TDRD7: variants seen among roughly 807,000 people sequenced by gnomAD.
The protein encoded by TDRD7 is tudor domain-containing protein 7.
In TDRD7, 47 loss-of-function variants were observed where a neutral mutation model predicts 109.8. The observed-to-expected ratio is 0.43, with a 90% CI of 0.34 to 0.55. The LOEUF (loss-of-function observed/expected upper bound fraction) is 0.55, where lower values mean the gene tolerates loss of function less well. TDRD7 is among the 20% of genes least tolerant of loss of function. The pLI is 0.03. For missense variants in TDRD7, 1,164 were observed against 1,319.2 expected, an observed-to-expected ratio of 0.88 and a Z score of 1.82; for synonymous variants, 424 against 457.3, an observed-to-expected ratio of 0.93 and a Z score of 0.93.
chr9:97,475,488 G>T lies in TDRD7; in HGVS notation c.2166+19G>T. ...AGTAGAGGTAAAAATCAGTCACTTG[G>T]CTTTTTAATCTTAACTTATTGTGAA... On this transcript the variant is annotated intron_variant, in intron 12 of 16. Coordinates refer to ENST00000355295, the MANE Select transcript of TDRD7 (RefSeq NM_014290.3). The T allele has an allele frequency of 6.4e-7, 1 of 1,560,948 alleles. No homozygotes were observed. The highest frequency in any genetic ancestry group is 8.8e-7 in the Non-Finnish European group (1 of 1,133,190).
At position 97,456,895 on chromosome 9, in the gene TDRD7, G is replaced by A. The variant is rs187848673; in HGVS notation, c.856-3283G>A. 1.2e-3 allele frequency among the ~76,000 whole-genome samples: 188 copies of A among 152,132 alleles called. 1 individual carries two copies. The highest frequency in any genetic ancestry group is 2.0e-3 in the Admixed American group (31 of 15,296). On this transcript the variant is annotated intron_variant, in intron 6 of 16. Coordinates refer to ENST00000355295, the MANE Select transcript of TDRD7 (RefSeq NM_014290.3). ...AGTGAACAGGCACCCTACAGAATGGGAGAAAATTTTTGCAAACTACCCATC... is the reference window on the plus strand; with the variant it reads ...AGTGAACAGGCACCCTACAGAATGGAAGAAAATTTTTGCAAACTACCCATC...
At chr9:97,434,436 A>G (rs944527445) in intron 4 of TDRD7, among the ~76,000 whole-genome samples, 2 of 152,114 alleles carry the variant, frequency 1.3e-5, no homozygotes, top group Non-Finnish European at 2.9e-5. Context: ...TTTCATGGTG[A>G]CTATAGTTAA....
chr9:97,470,593 T>A lies in TDRD7; in HGVS notation c.1665T>A (p.Val555=), dbSNP rs1486420590. Residue 555 remains valine, a synonymous_variant, in exon 9 of 17, where the codon GTT becomes GTA. Coordinates refer to ENST00000355295, the MANE Select transcript of TDRD7 (RefSeq NM_014290.3). The part of the protein sequence containing the change: ...CYVDYGFSEN[V]EKSKAYKLNP... ...TTGACTATGGTTTTAGTGAAAATGT[T>A]GAAAAAAGCAAAGCATACAAATTAA... 6.2e-7 allele frequency: 1 copy of A among 1,613,806 alleles called. No homozygotes were observed. Among genetic ancestry groups the A allele is most frequent in the African/African-American group, 1.3e-5 (1 of 74,932 alleles).
At chr9:97,453,705 C>G (rs1828549607) in intron 6 of TDRD7, among the ~76,000 whole-genome samples, 1 of 151,988 alleles carries the variant, frequency 6.6e-6, no homozygotes, top group African/African-American at 2.4e-5. Context: ...GAAAATTTAC[C>G]AAGCAAATGG....
chr9:97,464,709 C>G, intron 7 of TDRD7, 133 bp from the exon 8 acceptor site: 1 of 866,402 alleles, frequency 1.2e-6, no homozygotes, highest in South Asian at 1.4e-5. Flanking sequence ...CGTTCTCCTC[C>G]CTGTTGATAT....
At chr9:97,430,583 A>T (rs1348015715) in intron 2 of TDRD7, among the ~76,000 whole-genome samples, 1 of 152,208 alleles carries the variant, frequency 6.6e-6, no homozygotes, top group Non-Finnish European at 1.5e-5. Context: ...TAAAGTGTGA[A>T]TGAAATGTAC....
chr9:97,494,694 GTA>G (rs144407860), intron 16 of TDRD7, among the ~76,000 whole-genome samples: 68,962 of 134,792 alleles, frequency 0.51, 18,348 homozygotes, highest in Admixed American at 0.6. Flanking sequence ...ATATATATAT[GTA>G]TATATATATA....
chr9:97,453,439 A>C (rs570347540), intron 6 of TDRD7, among the ~76,000 whole-genome samples: 1 of 152,284 alleles, frequency 6.6e-6, no homozygotes, highest in South Asian at 2.1e-4. Context: ...AAAAACCATA[A>C]TAAGTGTGTG....
At chr9:97,417,236 T>G (rs749508904) in intron 1 of TDRD7, among the ~76,000 whole-genome samples, 5 of 152,118 alleles carry the variant, frequency 3.3e-5, no homozygotes, top group African/African-American at 4.8e-5. Context: ...AGAGAGAACT[T>G]AGGGCAAAGA....
chr9:97,471,137 T>C (rs140132303), intron 9 of TDRD7, among the ~76,000 whole-genome samples: 60 of 152,292 alleles, frequency 3.9e-4, no homozygotes, highest in African/African-American at 1.4e-3. Context: ...ATAGTAGATG[T>C]ATCATTGTTC....
At chr9:97,459,249 G>GA (rs1173914196) in intron 6 of TDRD7, among the ~76,000 whole-genome samples, 7 of 152,182 alleles carry the variant, frequency 4.6e-5, no homozygotes, top group African/African-American at 1.7e-4. Flanking sequence ...AGCAGCCAGA[G>GA]AGAATATGTA....
intron 3 of TDRD7, among the ~76,000 whole-genome samples, chr9:97,431,663 G>C (rs1828105941): frequency 6.6e-6 from 1 of 152,162 alleles, no homozygotes; most frequent in Non-Finnish European, 1.5e-5. Context: ...AGGCAAAGGG[G>C]AGACTTGACC....
chr9:97,482,582 TGA>T (rs1363286984), intron 14 of TDRD7, among the ~76,000 whole-genome samples: 2 of 152,238 alleles, frequency 1.3e-5, no homozygotes, highest in African/African-American at 4.8e-5. Flanking sequence ...TCAATGATAA[TGA>T]CCTTAGCAAG....
In TDRD7 at chr9:97,464,904, A is replaced by G. The variant is rs1390374308; in HGVS notation, c.1505A>G (p.Tyr502Cys). The G allele has an allele frequency of 2.5e-6, 4 of 1,614,200 alleles. No individual in the cohort carries two copies. The highest frequency in any genetic ancestry group is 3.4e-6 in the Non-Finnish European group (4 of 1,180,022). ...ELMEDEMKEY[Y>C]SKNPKITPVQ... is the part of the protein sequence containing the mutation. The stretch of plus-strand genomic sequence containing the variant: ...ATGGAAGATGAGATGAAGGAATATT[A>G]CAGTAAGAATCCTAAGATCACACCA... The change falls in exon 8 of 17, where the codon TAC (tyrosine) becomes TGC (cysteine). Residue 502 changes from tyrosine (Y) to cysteine (C), a missense_variant. Tyr to Cys is a radical substitution (Grantham distance 194). Coordinates refer to ENST00000355295, the MANE Select transcript of TDRD7 (RefSeq NM_014290.3).
chr9:97,428,105 C>T (rs79665528), intron 1 of TDRD7, among the ~76,000 whole-genome samples: 1 of 152,288 alleles, frequency 6.6e-6, no homozygotes, highest in Non-Finnish European at 1.5e-5. Flanking sequence ...TGCACTCGCA[C>T]ATCCTGTTCC....
At chr9:97,416,270 T>C (rs1827808985) in intron 1 of TDRD7, among the ~76,000 whole-genome samples, 3 of 152,198 alleles carry the variant, frequency 2.0e-5, no homozygotes, top group Non-Finnish European at 4.4e-5. Flanking sequence ...ATTGCAACCA[T>C]GTGGTCAAGC....
intron 1 of TDRD7, among the ~76,000 whole-genome samples, chr9:97,421,239 A>T (rs908602771): frequency 6.6e-6 from 1 of 152,156 alleles, no homozygotes; most frequent in Non-Finnish European, 1.5e-5. Context: ...TCTCATCAGC[A>T]CTTCGTATTG....
chr9:97,444,305 A>G (rs1828361390), intron 6 of TDRD7, among the ~76,000 whole-genome samples: 1 of 152,210 alleles, frequency 6.6e-6, no homozygotes, highest in Non-Finnish European at 1.5e-5. Flanking sequence ...ATTAGGTTAT[A>G]GTAATTTGCT....
chr9:97,424,049 C>CTTTTTTTTTTT (rs56369544), intron 1 of TDRD7, among the ~76,000 whole-genome samples: 5 of 48,864 alleles, frequency 1.0e-4, no homozygotes, highest in Admixed American at 3.0e-4. Context: ...CTTTTATATT[C>CTTTTTTTTTTT]TTTTTTTTTT....
Sources: allele counts gnomAD v4.1 joint callset (sites outside exome capture counted in the v4.1 genomes callset), GRCh38; gene constraint gnomAD v4.1.1; transcripts MANE v1.5; gene names NCBI Gene and HGNC (gene_info 2026-07-23, HGNC 2026-07-21).